Variants in SLC24A4 observed in about 807,000 individuals in gnomAD.
The protein encoded by SLC24A4 is solute carrier family 24 member 4.
A neutral mutation model predicts 79.0 loss-of-function variants in SLC24A4; 53 were observed. The observed-to-expected ratio is 0.67, with a 90% CI of 0.54 to 0.84. The LOEUF (loss-of-function observed/expected upper bound fraction) is 0.84, where lower values mean the gene tolerates loss of function less well. SLC24A4 is among the 40% of genes least tolerant of loss of function. The pLI is 0.00. For missense variants in SLC24A4, 731 were observed against 822.0 expected (o/e 0.89, Z 1.35); for synonymous variants, 323 against 323.8 (o/e 1.00, Z 0.03).
At chr14:92,402,447 C>T (rs1890163361) in intron 2 of SLC24A4, among the ~76,000 whole-genome samples, 1 of 152,066 alleles carries the variant, frequency 6.6e-6, no homozygotes, top group Non-Finnish European at 1.5e-5. Flanking sequence ...AACTTCCAGC[C>T]AGGTAATATA....
intron 2 of SLC24A4, among the ~76,000 whole-genome samples, chr14:92,368,748 A>G (rs954240418): frequency 6.6e-6 from 1 of 152,210 alleles, no homozygotes. Flanking sequence ...GAGGGCTGGT[A>G]GAACGTCGAG....
intron 12 of SLC24A4, among the ~76,000 whole-genome samples, chr14:92,460,291 C>T (rs577913807): frequency 2.6e-5 from 4 of 152,212 alleles, no homozygotes; most frequent in East Asian, 3.9e-4. Flanking sequence ...TGGCGGGTGA[C>T]GGCACCTACC....
chr14:92,464,566 C>G (rs1486371342), intron 12 of SLC24A4, among the ~76,000 whole-genome samples: 35 of 147,244 alleles, frequency 2.4e-4, no homozygotes, highest in Admixed American at 2.3e-3. Context: ...TGTGCTGATG[C>G]TATAGCAAAA....
In SLC24A4 at chr14:92,433,926, C is replaced by A; in HGVS notation, c.256C>A (p.Pro86Thr). Residue 86 changes from proline (P) to threonine (T), a missense_variant, in exon 3 of 17, where the codon CCC (proline) becomes ACC (threonine). By Grantham distance (38) the Pro-to-Thr change is conservative. Transcript: ENST00000532405. ...CTGTCTTCCAGCGATTCACGAGTTCCCCACAGATCTGTTCTCCAATAAGGA... is the reference window on the plus strand; with the variant it reads ...CTGTCTTCCAGCGATTCACGAGTTCACCACAGATCTGTTCTCCAATAAGGA... Reference protein sequence around the residue: ...NCTDPAIHEFPTDLFSNKERQ... With the variant: ...NCTDPAIHEFTTDLFSNKERQ... 6.2e-7 allele frequency: 1 copy of A among 1,614,130 alleles called. No homozygotes were observed. Among genetic ancestry groups the A allele is most frequent in the Non-Finnish European group, 8.5e-7 (1 of 1,180,000 alleles).
intron 2 of SLC24A4, among the ~76,000 whole-genome samples, chr14:92,359,440 GA>G (rs1326549794): frequency 1.3e-5 from 2 of 151,918 alleles, no homozygotes; most frequent in Non-Finnish European, 2.9e-5. Context: ...TAAAAATAAT[GA>G]AAAAAGAATT....
At chr14:92,345,825 A>G (rs1886496917) in intron 2 of SLC24A4, among the ~76,000 whole-genome samples, 1 of 152,220 alleles carries the variant, frequency 6.6e-6, no homozygotes, top group Admixed American at 6.5e-5. Flanking sequence ...GCACTGGGAG[A>G]CAGCAGTGAA....
At chr14:92,472,748 G>T (rs1894509399) in intron 12 of SLC24A4, among the ~76,000 whole-genome samples, 1 of 152,196 alleles carries the variant, frequency 6.6e-6, no homozygotes, top group Non-Finnish European at 1.5e-5. Context: ...CCATAAACAT[G>T]TGTATGCAAG....
intron 12 of SLC24A4, among the ~76,000 whole-genome samples, chr14:92,461,285 A>G (rs1893794559): frequency 6.6e-6 from 1 of 152,258 alleles, no homozygotes; most frequent in Non-Finnish European, 1.5e-5. Flanking sequence ...AGCAGCCAAC[A>G]AACAGCTACT....
chr14:92,356,758 T>C (rs1887204415), intron 2 of SLC24A4, among the ~76,000 whole-genome samples: 1 of 152,190 alleles, frequency 6.6e-6, no homozygotes, highest in Non-Finnish European at 1.5e-5. Context: ...GATGTCCAGA[T>C]TCTGCAGTAG....
At chr14:92,352,131 G>A (rs1366672753) in intron 2 of SLC24A4, among the ~76,000 whole-genome samples, 1 of 152,120 alleles carries the variant, frequency 6.6e-6, no homozygotes, top group Non-Finnish European at 1.5e-5. Flanking sequence ...GACCACTAGG[G>A]AAAAGTAGGG....
intron 2 of SLC24A4, among the ~76,000 whole-genome samples, chr14:92,431,241 C>T (rs1891853469): frequency 6.6e-6 from 1 of 152,214 alleles, no homozygotes; most frequent in Non-Finnish European, 1.5e-5. Context: ...GAGTGACTGG[C>T]AGCCTGGCTG....
intron 2 of SLC24A4, among the ~76,000 whole-genome samples, chr14:92,347,408 G>A (rs1886601321): frequency 6.6e-6 from 1 of 152,218 alleles, no homozygotes; most frequent in South Asian, 2.1e-4. Context: ...TAACAGTGAG[G>A]AAGGGATGAT....
chr14:92,486,065 G>C (rs1566804499), intron 13 of SLC24A4, among the ~76,000 whole-genome samples: 1 of 152,158 alleles, frequency 6.6e-6, no homozygotes, highest in Non-Finnish European at 1.5e-5. Context: ...TCCTGGTGAG[G>C]CTCCAGCAAG....
intron 2 of SLC24A4, among the ~76,000 whole-genome samples, chr14:92,390,520 A>C (rs1468218015): frequency 1.2e-4 from 19 of 152,182 alleles, no homozygotes; most frequent in Non-Finnish European, 1.3e-4. Flanking sequence ...TATTTTATTA[A>C]AATGCTTTCT....
rs1893298047 is a variant in SLC24A4, at chr14:92,453,885, T to C, written c.881-15T>C. ...TCAGAGAGATCAGCACTAATCACGGTGTTGCGCTCAACAGTGAAGGAGAAG... is the reference window on the plus strand; with the variant it reads ...TCAGAGAGATCAGCACTAATCACGGCGTTGCGCTCAACAGTGAAGGAGAAG... On this transcript the variant is annotated splice_polypyrimidine_tract_variant and intron_variant, in intron 10 of 16. Coordinates refer to ENST00000532405, the MANE Select transcript of SLC24A4 (RefSeq NM_153646.4). 2.5e-6 allele frequency: 4 copies of C among 1,603,106 alleles called. No homozygotes were observed. Among genetic ancestry groups the C allele is most frequent in the Non-Finnish European group, 3.4e-6 (4 of 1,175,170 alleles).
At chr14:92,474,099 G>C (rs1894583098) in intron 12 of SLC24A4, among the ~76,000 whole-genome samples, 3 of 152,154 alleles carry the variant, frequency 2.0e-5, no homozygotes, top group Admixed American at 2.0e-4. Flanking sequence ...AATGTTTCCT[G>C]GTGATCTGGT....
At chr14:92,378,035 G>A (rs144507831) in intron 2 of SLC24A4, among the ~76,000 whole-genome samples, 211 of 152,246 alleles carry the variant, frequency 1.4e-3, no homozygotes, top group South Asian at 6.8e-3. Context: ...TGTCTAGCAC[G>A]GGATTGGTTC....
At chr14:92,481,110 G>A (rs1041576222) in intron 12 of SLC24A4, among the ~76,000 whole-genome samples, 2 of 152,208 alleles carry the variant, frequency 1.3e-5, no homozygotes. Flanking sequence ...CAACTCTATA[G>A]TAGCCTTTCC....
At chr14:92,391,560 G>C (rs1454876056) in intron 2 of SLC24A4, among the ~76,000 whole-genome samples, 1 of 152,236 alleles carries the variant, frequency 6.6e-6, no homozygotes, top group Non-Finnish European at 1.5e-5. Context: ...GTTGATTGCA[G>C]TGGTCATGCT....
Sources: allele counts gnomAD v4.1 joint callset (sites outside exome capture counted in the v4.1 genomes callset), GRCh38; gene constraint gnomAD v4.1.1; transcripts MANE v1.5; gene names NCBI Gene and HGNC (gene_info 2026-07-23, HGNC 2026-07-21).